JMJD1C: variants seen among roughly 807,000 people sequenced by gnomAD.
JMJD1C encodes jumonji domain containing 1C.
JMJD1C carries 31 observed loss-of-function variants against 245.3 expected under a neutral mutation model. The ratio of observed to expected loss-of-function variants is 0.13; its 90% CI spans 0.09 to 0.17. The LOEUF is 0.17. JMJD1C is among the 10% of genes least tolerant of loss of function. The pLI is 1.00. For synonymous variants in JMJD1C, 1,057 were observed against 1,017.4 expected (o/e 1.04, Z -0.74); for missense variants, 2,691 against 3,000.2 (o/e 0.90, Z 2.41).
At chr10:63,280,245 C>A (rs566278607) in intron 2 of JMJD1C, among the ~76,000 whole-genome samples, 1 of 151,292 alleles carries the variant, frequency 6.6e-6, no homozygotes, top group Non-Finnish European at 1.5e-5. Flanking sequence ...TAAATATGTA[C>A]GATTATTTAA....
At chr10:63,489,883 A>G (rs970946764) in intron 1 of JMJD1C, among the ~76,000 whole-genome samples, 3 of 152,166 alleles carry the variant, frequency 2.0e-5, no homozygotes, top group Admixed American at 6.5e-5. Flanking sequence ...ATGGCTTGTT[A>G]GGAACTGGGC....
chr10:63,377,056 G>A (rs778511869), intron 2 of JMJD1C, among the ~76,000 whole-genome samples: 1 of 152,258 alleles, frequency 6.6e-6, no homozygotes, highest in Admixed American at 6.5e-5. Context: ...TGAAAAGAAC[G>A]TGGTGTATAA....
intron 1 of JMJD1C, among the ~76,000 whole-genome samples, chr10:63,418,955 T>A (rs1424841758): frequency 2.6e-5 from 4 of 151,336 alleles, no homozygotes; most frequent in African/African-American, 9.7e-5. Flanking sequence ...CACGCGCCTG[T>A]AGCCCCAGCT....
chr10:63,188,843 C>CTGGA (rs1222886586), intron 18 of JMJD1C, among the ~76,000 whole-genome samples: 4 of 152,128 alleles, frequency 2.6e-5, no homozygotes, highest in Non-Finnish European at 5.9e-5. Flanking sequence ...GATCTACTAA[C>CTGGA]TGGACTAAAA....
intron 2 of JMJD1C, among the ~76,000 whole-genome samples, chr10:63,368,654 T>C (rs1463960616): frequency 6.6e-6 from 1 of 152,322 alleles, no homozygotes; most frequent in South Asian, 2.1e-4. Flanking sequence ...AGTGACACTG[T>C]TGCTAAGATT....
intron 3 of JMJD1C, among the ~76,000 whole-genome samples, chr10:63,245,478 CTTTT>C (rs71025134): frequency 0.029 from 2,583 of 90,232 alleles, 46 homozygotes; most frequent in Non-Finnish European, 0.04. Flanking sequence ...CAGGGGAACT[CTTTT>C]TTTTTTTTTT....
chr10:63,273,316 T>G (rs1856501892), intron 2 of JMJD1C, among the ~76,000 whole-genome samples: 1 of 152,188 alleles, frequency 6.6e-6, no homozygotes. Context: ...CTCAGTCTCC[T>G]GAGCAGCTGG....
chr10:63,247,902 C>T (rs961879853), intron 3 of JMJD1C, among the ~76,000 whole-genome samples: 1 of 151,964 alleles, frequency 6.6e-6, no homozygotes, highest in Non-Finnish European at 1.5e-5. Flanking sequence ...AAACTCATTC[C>T]TTGAGGCCAG....
intron 2 of JMJD1C, among the ~76,000 whole-genome samples, chr10:63,376,584 AC>A (rs1159911975): frequency 2.0e-5 from 3 of 152,332 alleles, no homozygotes; most frequent in South Asian, 4.1e-4. Context: ...ACCAAAAAAA[AC>A]AAATGATCCA....
At chr10:63,463,869 A>T (rs1589797394) in intron 1 of JMJD1C, among the ~76,000 whole-genome samples, 1 of 152,216 alleles carries the variant, frequency 6.6e-6, no homozygotes, top group African/African-American at 2.4e-5. Flanking sequence ...TACCATCCAT[A>T]GATAATTTAT....
At chr10:63,210,917 T>G (rs1847240717) in intron 8 of JMJD1C, among the ~76,000 whole-genome samples, 1 of 152,146 alleles carries the variant, frequency 6.6e-6, no homozygotes, top group Non-Finnish European at 1.5e-5. Flanking sequence ...AAAATGGTAA[T>G]GGAAAGCTTG....
intron 1 of JMJD1C, among the ~76,000 whole-genome samples, chr10:63,438,796 C>T (rs1589749738): frequency 6.6e-6 from 1 of 152,192 alleles, no homozygotes; most frequent in African/African-American, 2.4e-5. Context: ...CAGGTCTTCA[C>T]TCAAAAGTCA....
chr10:63,192,275 A>G (rs1373970422), intron 16 of JMJD1C, among the ~76,000 whole-genome samples: 1 of 151,270 alleles, frequency 6.6e-6, no homozygotes, highest in East Asian at 1.9e-4. Context: ...AAAAAAAAAA[A>G]AAAAAAAAAA....
chr10:63,304,230 T>C lies in JMJD1C; in HGVS notation c.334-39466A>G, dbSNP rs567238937. On this transcript the variant is annotated intron_variant, in intron 2 of 25. Coordinates refer to ENST00000399262, the MANE Select transcript of JMJD1C (RefSeq NM_032776.3). ...TTTGAAAACCATTAAATATGAATTA[T>C]AGTTGGTTACTGCCTTAGCCATTAT... Among the ~76,000 whole-genome samples, 107 of 152,302 alleles carry C rather than the reference T, an allele frequency of 7.0e-4. 1 individual carries two copies. The highest frequency in any genetic ancestry group is 1.9e-3 in the South Asian group (9 of 4,832).
intron 2 of JMJD1C, among the ~76,000 whole-genome samples, chr10:63,281,018 T>C (rs1589375795): frequency 6.6e-6 from 1 of 150,626 alleles, no homozygotes; most frequent in East Asian, 2.0e-4. Context: ...AGTGCAGTGG[T>C]GCGATGGGAT....
At chr10:63,239,345 T>C (rs1851190913) in intron 3 of JMJD1C, among the ~76,000 whole-genome samples, 1 of 152,098 alleles carries the variant, frequency 6.6e-6, no homozygotes, top group Admixed American at 6.5e-5. Flanking sequence ...AGCCTTACGA[T>C]AGAGGAGAAG....
chr10:63,493,017 T>C (rs1436621452), intron 1 of JMJD1C, among the ~76,000 whole-genome samples: 2 of 152,038 alleles, frequency 1.3e-5, no homozygotes, highest in South Asian at 2.1e-4. Context: ...GGGGGAGAAA[T>C]AGAAGGATGA....
intron 1 of JMJD1C, among the ~76,000 whole-genome samples, chr10:63,493,252 T>TC (rs1954234373): frequency 8.7e-6 from 1 of 114,632 alleles, no homozygotes; most frequent in African/African-American, 3.5e-5. Flanking sequence ...GTTATTTCTT[T>TC]TTTTTTTTTT....
At chr10:63,446,575 A>G (rs1564928861) in intron 1 of JMJD1C, among the ~76,000 whole-genome samples, 2 of 152,234 alleles carry the variant, frequency 1.3e-5, no homozygotes, top group Non-Finnish European at 1.5e-5. Context: ...AAAGGATTGT[A>G]GATATGAGGA....
Sources: allele counts gnomAD v4.1 joint callset (sites outside exome capture counted in the v4.1 genomes callset), GRCh38; gene constraint gnomAD v4.1.1; transcripts MANE v1.5; gene names NCBI Gene and HGNC (gene_info 2026-07-23, HGNC 2026-07-21).